The following TAS2R1 variants were observed in gnomAD, a reference collection of about 807,000 sequenced individuals.
The protein encoded by TAS2R1 is taste 2 receptor member 1.
For synonymous variants in TAS2R1, 141 were observed against 134.2 expected (o/e 1.05, Z -0.35); for missense variants, 370 against 353.4 (o/e 1.05, Z -0.38).
At chr5:9,698,408 A>G (rs1188320132) in intron 1 of TAS2R1, among the ~76,000 whole-genome samples, 1 of 152,210 alleles carries the variant, frequency 6.6e-6, no homozygotes, top group Non-Finnish European at 1.5e-5. Context: ...CTCGCGTGAC[A>G]TTCTCAAATG....
At chr5:9,742,464 G>C in the TAS2R1 span, among the ~76,000 whole-genome samples, 2 of 152,120 alleles carry the variant, frequency 1.3e-5, no homozygotes, top group Non-Finnish European at 1.5e-5. Flanking sequence ...GCATTTAACA[G>C]CTTCACCAGC....
At chr5:9,885,157 C>T in the TAS2R1 span, among the ~76,000 whole-genome samples, 22 of 152,156 alleles carry the variant, frequency 1.4e-4, no homozygotes, top group Admixed American at 1.4e-3. Context: ...GATTCAAACC[C>T]CAGTAGTCTG....
At chr5:9,728,999 G>A in the TAS2R1 span, among the ~76,000 whole-genome samples, 1 of 152,206 alleles carries the variant, frequency 6.6e-6, no homozygotes, top group Non-Finnish European at 1.5e-5. Context: ...CTGGCTCAGA[G>A]AGAAAGAGCA....
chr5:9,664,834 G>T (rs1043857400), intron 1 of TAS2R1, among the ~76,000 whole-genome samples: 1 of 152,124 alleles, frequency 6.6e-6, no homozygotes, highest in African/African-American at 2.4e-5. Flanking sequence ...AACTTACTAT[G>T]TTTCGGGCAC....
chr5:9,870,047 C>T, the TAS2R1 span: 4 of 152,244 alleles, frequency 2.6e-5, no homozygotes, highest in African/African-American at 7.2e-5. Flanking sequence ...GACCACCCAT[C>T]CTTCTGGAAA....
chr5:9,813,105 T>C, the TAS2R1 span, among the ~76,000 whole-genome samples: 1 of 152,128 alleles, frequency 6.6e-6, no homozygotes, highest in Middle Eastern at 3.2e-3. Flanking sequence ...AACAAGGACC[T>C]TATCTAATAT....
the TAS2R1 span, among the ~76,000 whole-genome samples, chr5:9,875,203 G>A: frequency 6.6e-6 from 1 of 152,202 alleles, no homozygotes; most frequent in Admixed American, 6.5e-5. Flanking sequence ...GAACCAGGCA[G>A]GGAAAATCAA....
intron 1 of TAS2R1, among the ~76,000 whole-genome samples, chr5:9,686,699 T>C (rs892406462): frequency 4.6e-5 from 7 of 152,040 alleles, no homozygotes; most frequent in African/African-American, 1.7e-4. Flanking sequence ...TCTGGGGAAA[T>C]GGGCAGACAA....
the TAS2R1 span, among the ~76,000 whole-genome samples, chr5:9,812,296 T>C: frequency 6.6e-6 from 1 of 151,976 alleles, no homozygotes; most frequent in Non-Finnish European, 1.5e-5. Context: ...AGAGTATACA[T>C]ATAATAATAT....
the TAS2R1 span, among the ~76,000 whole-genome samples, chr5:9,831,926 T>C: frequency 6.6e-6 from 1 of 152,202 alleles, no homozygotes; most frequent in Non-Finnish European, 1.5e-5. Context: ...TTCTTAGAGA[T>C]ATTTCAGTTT....
the TAS2R1 span, among the ~76,000 whole-genome samples, chr5:9,724,620 C>T: frequency 6.6e-6 from 1 of 152,216 alleles, no homozygotes; most frequent in East Asian, 1.9e-4. Context: ...TATTCCTGTG[C>T]AGATTACGGT....
intron 1 of TAS2R1, among the ~76,000 whole-genome samples, chr5:9,698,656 A>C (rs1741413124): frequency 6.6e-6 from 1 of 152,176 alleles, no homozygotes; most frequent in Admixed American, 6.5e-5. Context: ...AAGTCAGATG[A>C]ATTCTATTTA....
At chr5:9,890,901 G>A in the TAS2R1 span, among the ~76,000 whole-genome samples, 1 of 152,180 alleles carries the variant, frequency 6.6e-6, no homozygotes, top group South Asian at 2.1e-4. Context: ...AGGTTTGCTT[G>A]GAATCCTGGT....
the TAS2R1 span, among the ~76,000 whole-genome samples, chr5:9,770,855 C>A: frequency 1.3e-5 from 2 of 152,118 alleles, no homozygotes; most frequent in African/African-American, 4.8e-5. Context: ...GATAATTTGG[C>A]TTCTTCCTTT....
the TAS2R1 span, among the ~76,000 whole-genome samples, chr5:9,790,011 A>G: frequency 3.3e-5 from 5 of 152,204 alleles, no homozygotes; most frequent in Admixed American, 2.6e-4. Context: ...GAAGAAACAT[A>G]TATCACTCTG....
rs142049540 is a variant in TAS2R1 at position 9,644,947 on chromosome 5, C to CTCTTA, written c.-81+14473_-81+14474insTAAGA. 8.3e-3 allele frequency among the ~76,000 whole-genome samples: 1,258 copies of CTCTTA among 152,180 alleles called. 21 individuals carry two copies. The highest frequency in any genetic ancestry group is 0.029 in the African/African-American group (1,208 of 41,532). On this transcript the variant is annotated intron_variant, in intron 2 of 2. Transcript: ENST00000506620. ...GTTTCATTTAGAATTTTTCCTCCTT[C>CTCTTA]TAAGGAAGATTGGTCTGCAGATTTT...
chr5:9,843,645 A>G, the TAS2R1 span, among the ~76,000 whole-genome samples: 2 of 152,256 alleles, frequency 1.3e-5, no homozygotes, highest in African/African-American at 2.4e-5. Context: ...CACGAAAAAT[A>G]TAAAGCATTT....
At chr5:9,636,479 C>T (rs922681007) in intron 2 of TAS2R1, among the ~76,000 whole-genome samples, 7 of 151,980 alleles carry the variant, frequency 4.6e-5, no homozygotes, top group African/African-American at 1.7e-4. Flanking sequence ...TAGTTTAAGT[C>T]CATTTTTTCT....
chr5:9,651,893 G>A (rs1359474684), intron 2 of TAS2R1, among the ~76,000 whole-genome samples: 4 of 152,056 alleles, frequency 2.6e-5, no homozygotes, highest in African/African-American at 7.3e-5. Context: ...GCGGCTGGGC[G>A]TCCATCTCCC....
Sources: allele counts gnomAD v4.1 joint callset (sites outside exome capture counted in the v4.1 genomes callset), GRCh38; gene constraint gnomAD v4.1.1; transcripts MANE v1.5; gene names NCBI Gene and HGNC (gene_info 2026-07-23, HGNC 2026-07-21).